The following ASAP1 variants were observed in gnomAD, a reference collection of about 807,000 sequenced individuals.
The protein encoded by ASAP1 is arf-GAP with SH3 domain, ANK repeat and PH domain-containing protein 1.
A neutral mutation model predicts 145.2 loss-of-function variants in ASAP1; 43 were observed. The ratio of observed to expected loss-of-function variants is 0.30; its 90% CI spans 0.23 to 0.38. The LOEUF (loss-of-function observed/expected upper bound fraction) is 0.38, where lower values mean the gene tolerates loss of function less well. Among genes scored for constraint, ASAP1 ranks in the 10% least tolerant of loss-of-function variants. The pLI is 1.00. For synonymous variants in ASAP1, 546 were observed against 515.5 expected (o/e 1.06, Z -0.80); for missense variants, 1,018 against 1,355.3 (o/e 0.75, Z 3.91).
At chr8:130,238,797 A>C (rs1818361146) in intron 3 of ASAP1, among the ~76,000 whole-genome samples, 3 of 152,092 alleles carry the variant, frequency 2.0e-5, no homozygotes, top group Admixed American at 2.0e-4. Flanking sequence ...GAAAATGCTA[A>C]TGTCACATTC....
chr8:130,133,330 T>C (rs2097586067), intron 15 of ASAP1, among the ~76,000 whole-genome samples: 1 of 152,106 alleles, frequency 6.6e-6, no homozygotes, highest in Non-Finnish European at 1.5e-5. Flanking sequence ...AGGGACTATC[T>C]AAGGTTGCAT....
At chr8:130,141,288 C>T (rs906272444) in intron 13 of ASAP1, among the ~76,000 whole-genome samples, 9 of 152,110 alleles carry the variant, frequency 5.9e-5, no homozygotes, top group Admixed American at 1.3e-4. Flanking sequence ...CAATCGCAGG[C>T]CCCTTCTCGC....
intron 1 of ASAP1, among the ~76,000 whole-genome samples, chr8:130,440,045 T>C (rs1830439738): frequency 6.6e-6 from 1 of 152,174 alleles, no homozygotes; most frequent in East Asian, 1.9e-4. Context: ...CCTTGAGTCC[T>C]TTCCCTTGCC....
At position 130,236,804 on chromosome 8, in the gene ASAP1, C is replaced by T. The variant is rs577784753; in HGVS notation, c.259+118G>A. Reference sequence around the variant, plus strand: ...AGAAAAAAAGAGAAATTTCTTTTACCTACTTACTTTTCCATTTGTGTCAAG... The same window carrying T: ...AGAAAAAAAGAGAAATTTCTTTTACTTACTTACTTTTCCATTTGTGTCAAG... On this transcript the variant is annotated intron_variant, in intron 4 of 29. Coordinates refer to ENST00000518721, the MANE Select transcript of ASAP1 (RefSeq NM_018482.4). 86 of 681,168 alleles carry T rather than the reference C, an allele frequency of 1.3e-4. No homozygotes were observed. In the African/African-American group the frequency reaches 1.5e-3, roughly 12 times the overall value. 42.2% of individuals were successfully genotyped at this position (681,168 alleles called of 1,614,324 possible).
At chr8:130,143,700 A>G (rs369669338) in intron 13 of ASAP1, among the ~76,000 whole-genome samples, 3 of 152,350 alleles carry the variant, frequency 2.0e-5, no homozygotes, top group South Asian at 2.1e-4. Context: ...TGCATGCAGA[A>G]ACAGAATGAG....
chr8:130,137,181 TCTGAGCA>T (rs2097596896), intron 13 of ASAP1, 143 bp from the exon 14 acceptor site: 2 of 706,660 alleles, frequency 2.8e-6, no homozygotes, highest in African/African-American at 3.6e-5. Flanking sequence ...GAAACAGACA[TCTGAGCA>T]TTGTTCCAAG....
chr8:130,326,073 T>C (rs1044057994), intron 3 of ASAP1, among the ~76,000 whole-genome samples: 2 of 152,194 alleles, frequency 1.3e-5, no homozygotes, highest in Non-Finnish European at 2.9e-5. Flanking sequence ...CTCCACAGCA[T>C]GTGTCCTTAA....
intron 18 of ASAP1, among the ~76,000 whole-genome samples, chr8:130,120,041 G>C (rs1259720585): frequency 4.6e-5 from 7 of 152,204 alleles, no homozygotes; most frequent in African/African-American, 1.7e-4. Flanking sequence ...TGGGTTGGCA[G>C]TAAAAACAGT....
chr8:130,231,319 A>G (rs776275825), intron 4 of ASAP1, among the ~76,000 whole-genome samples: 8 of 152,224 alleles, frequency 5.3e-5, no homozygotes, highest in Non-Finnish European at 1.0e-4. Flanking sequence ...AACTGTTTAT[A>G]ACAATTTAGC....
intron 3 of ASAP1, among the ~76,000 whole-genome samples, chr8:130,315,340 T>C (rs1266201636): frequency 6.6e-6 from 1 of 152,152 alleles, no homozygotes; most frequent in Non-Finnish European, 1.5e-5. Flanking sequence ...ATAATGATCA[T>C]GCCCTGTCAG....
At chr8:130,129,527 T>A (rs2097580069) in intron 15 of ASAP1, among the ~76,000 whole-genome samples, 1 of 152,100 alleles carries the variant, frequency 6.6e-6, no homozygotes, top group South Asian at 2.1e-4. Context: ...TCCAAACCAG[T>A]GTTAATTTTT....
In ASAP1 at chr8:130,365,372, C is replaced by T. The variant is rs186673731; in HGVS notation, c.60-7229G>A. Among the ~76,000 whole-genome samples, 9 of 152,332 alleles carry T rather than the reference C, an allele frequency of 5.9e-5. No individual in the cohort carries two copies. The East Asian group carries it at 1.7e-3, about 29-fold the overall frequency. On this transcript the variant is annotated intron_variant, in intron 2 of 29. Coordinates refer to ENST00000518721, the MANE Select transcript of ASAP1 (RefSeq NM_018482.4). ...CCCCATAAATGTGTTTTGAATTGAA[C>T]TGGCTCCCTTTTATGAGCTACATCA...
chr8:130,367,925 A>G, intron 2 of ASAP1, among the ~76,000 whole-genome samples: 1 of 152,210 alleles, frequency 6.6e-6, no homozygotes, highest in East Asian at 1.9e-4. Flanking sequence ...ACCATGTCAA[A>G]TGTAGGGCAT....
intron 3 of ASAP1, among the ~76,000 whole-genome samples, chr8:130,325,500 T>C (rs188085065): frequency 2.1e-4 from 32 of 152,360 alleles, no homozygotes; most frequent in Admixed American, 2.0e-3. Context: ...GAGACATCTG[T>C]TCTTAAACTA....
chr8:130,374,088 G>A lies in ASAP1; in HGVS notation c.60-15945C>T, dbSNP rs539989099. Among the ~76,000 whole-genome samples, 13 of 124,094 alleles carry A rather than the reference G, an allele frequency of 1.0e-4. No homozygotes were observed. The South Asian group carries it at 3.4e-3, about 33-fold the overall frequency. The allele number at this position is 124,094 out of a possible 152,430, so 81.4% of individuals were successfully genotyped here. On this transcript the variant is annotated intron_variant, in intron 2 of 29. Transcript: ENST00000518721. ...ATGTCCAAGCTAAGCACAGAACTTAGAAGTCAAAAGACCTGCAATCAAATC... is the reference window on the plus strand; with the variant it reads ...ATGTCCAAGCTAAGCACAGAACTTAAAAGTCAAAAGACCTGCAATCAAATC...
intron 15 of ASAP1, among the ~76,000 whole-genome samples, chr8:130,131,263 T>C (rs150011057): frequency 1.3e-5 from 2 of 152,312 alleles, no homozygotes; most frequent in African/African-American, 4.8e-5. Context: ...TTTGTGAACT[T>C]TCCTCAGTGA....
At position 130,358,277 on chromosome 8, in the gene ASAP1, T is replaced by TTGGAGTTTGAAGGGCCCCGCGCCGAG; in HGVS notation, c.60-135_60-134insCTCGGCGCGGGGCCCTTCAAACTCCA. 1.7e-6 allele frequency: 1 copy of TTGGAGTTTGAAGGGCCCCGCGCCGAG among 573,096 alleles called. No homozygotes were observed. Among genetic ancestry groups the TTGGAGTTTGAAGGGCCCCGCGCCGAG allele is most frequent in the Non-Finnish European group, 2.3e-6 (1 of 437,924 alleles). The allele number at this position is 573,096 out of a possible 1,614,324, so 35.5% of individuals were successfully genotyped here. Reference sequence around the variant, plus strand: ...CCCGCCGCCCGGCCTGGCGCGCGGCTCCCGTCCCCGGCAGCGGCGAGAGGG... The same window carrying TTGGAGTTTGAAGGGCCCCGCGCCGAG: ...CCCGCCGCCCGGCCTGGCGCGCGGCTTGGAGTTTGAAGGGCCCCGCGCCGAGCCCGTCCCCGGCAGCGGCGAGAGGG... On this transcript the variant is annotated intron_variant, in intron 2 of 29. Coordinates refer to ENST00000518721, the MANE Select transcript of ASAP1 (RefSeq NM_018482.4). The surrounding 1 kb of genome is among the most constrained non-coding windows in gnomAD (Gnocchi z 4.1).
chr8:130,148,721 TATG>T (rs756798253), intron 13 of ASAP1, among the ~76,000 whole-genome samples: 17 of 152,232 alleles, frequency 1.1e-4, no homozygotes, highest in Non-Finnish European at 2.1e-4. Flanking sequence ...TAATTTGTTT[TATG>T]ATATTTATTT....
chr8:130,358,044 G>A lies in ASAP1; in HGVS notation c.159C>T (p.Cys53=), dbSNP rs762569492. Reference sequence around the variant, plus strand: ...CCTCCAGCAGCGTGACGGTGTTCCTGCAGTTGTGCAGCCGCGTGGTGAAGC... The same window carrying A: ...CCTCCAGCAGCGTGACGGTGTTCCTACAGTTGTGCAGCCGCGTGGTGAAGC... The part of the protein sequence containing the change: ...TSSFTTRLHN[C]RNTVTLLEEA... The change falls in exon 3 of 30, where the codon TGC becomes TGT. Residue 53 remains cysteine (C), a synonymous_variant. Coordinates refer to ENST00000518721, the MANE Select transcript of ASAP1 (RefSeq NM_018482.4). The surrounding 1 kb of genome is among the most constrained non-coding windows in gnomAD (Gnocchi z 4.1). 2.5e-6 allele frequency: 4 copies of A among 1,610,186 alleles called. No individual in the cohort carries two copies. Among genetic ancestry groups the A allele is most frequent in the Non-Finnish European group, 3.4e-6 (4 of 1,178,810 alleles).
Sources: allele counts gnomAD v4.1 joint callset (sites outside exome capture counted in the v4.1 genomes callset), GRCh38; gene constraint gnomAD v4.1.1; non-coding constraint Gnocchi (gnomAD v3.1); transcripts MANE v1.5; gene names NCBI Gene and HGNC (gene_info 2026-07-23, HGNC 2026-07-21).